ZC3H12B: variants seen among roughly 807,000 people sequenced by gnomAD.
The protein encoded by ZC3H12B is zinc finger CCCH-type containing 12B.
Under a neutral mutation model 43.9 loss-of-function variants are expected in ZC3H12B, and 7 were observed. That is an observed-to-expected ratio of 0.16 (90% CI 0.09 to 0.30). The LOEUF is 0.30. Ranked by LOEUF, ZC3H12B falls within the 10% of genes least tolerant of loss-of-function variation. The probability of loss-of-function intolerance (pLI) is 1.00; values close to 1 mark genes in which losing one functional copy is unlikely to be tolerated. For synonymous variants in ZC3H12B, 222 were observed against 241.7 expected, an observed-to-expected ratio of 0.92 and a Z score of 0.76; for missense variants, 475 against 670.2, an observed-to-expected ratio of 0.71 and a Z score of 3.22.
the ZC3H12B span, among the ~76,000 whole-genome samples, chrX:65,322,277 G>A: frequency 9.9e-5 from 11 of 111,636 alleles, no homozygotes; most frequent in Non-Finnish European, 1.9e-4. Context: ...TTCAAGAATG[G>A]CATTAATCTA....
chrX:65,101,259 A>T, the ZC3H12B span, among the ~76,000 whole-genome samples: 1 of 112,220 alleles, frequency 8.9e-6, no homozygotes, highest in Non-Finnish European at 1.9e-5. Flanking sequence ...TTTAGAGGGA[A>T]ATTTATAGCA....
chrX:65,199,506 C>T, the ZC3H12B span, among the ~76,000 whole-genome samples: 4 of 110,260 alleles, frequency 3.6e-5, no homozygotes, highest in African/African-American at 6.6e-5. Flanking sequence ...CATAGGTAGA[C>T]GTGTGCCATG....
chrX:65,334,788 G>T, the ZC3H12B span, among the ~76,000 whole-genome samples: 249 of 111,537 alleles, frequency 2.2e-3, 13 homozygotes, highest in South Asian at 0.091. Context: ...AAAATTAAGG[G>T]TCCCATTTTT....
At chrX:65,415,095 T>G (rs1431142507) in intron 3 of ZC3H12B, among the ~76,000 whole-genome samples, 1 of 112,416 alleles carries the variant, frequency 8.9e-6, no homozygotes, top group Non-Finnish European at 1.9e-5. Context: ...TAACTTGAAG[T>G]GGGAGCTTTC....
chrX:65,359,916 A>G, the ZC3H12B span, among the ~76,000 whole-genome samples: 1 of 111,998 alleles, frequency 8.9e-6, no homozygotes, highest in Non-Finnish European at 1.9e-5. Context: ...TGAATTTTGC[A>G]AACTTTATTG....
At chrX:65,219,809 T>TACAC in the ZC3H12B span, among the ~76,000 whole-genome samples, 7,280 of 76,540 alleles carry the variant, frequency 0.095, 267 homozygotes, top group African/African-American at 0.14. Flanking sequence ...TACACACACA[T>TACAC]ACACACACAC....
the ZC3H12B span, among the ~76,000 whole-genome samples, chrX:65,213,371 T>A: frequency 9.0e-6 from 1 of 111,338 alleles, no homozygotes; most frequent in Non-Finnish European, 1.9e-5. Context: ...AATTATCTTA[T>A]GTGTCCCAAT....
chrX:65,408,419 C>G (rs1368056660), intron 3 of ZC3H12B: 6 of 1,207,873 alleles, frequency 5.0e-6, no homozygotes, highest in African/African-American at 3.5e-5. Flanking sequence ...ACGTGCCAAA[C>G]AGGTGACCAT....
the ZC3H12B span, among the ~76,000 whole-genome samples, chrX:65,057,236 T>C: frequency 9.0e-6 from 1 of 111,180 alleles, no homozygotes; most frequent in Non-Finnish European, 1.9e-5. Flanking sequence ...TGTTCCTTTC[T>C]ATGTTTAGTG....
At chrX:65,488,016 C>T (rs1314698719), upstream of ZC3H12B, among the ~76,000 whole-genome samples, 1 of 111,389 alleles carries the variant, frequency 9.0e-6, no homozygotes, top group African/African-American at 3.3e-5. Flanking sequence ...GGACTATAGG[C>T]GTCCGTCACC....
the ZC3H12B span, among the ~76,000 whole-genome samples, chrX:65,317,841 C>A: frequency 1.0e-5 from 1 of 100,037 alleles, no homozygotes; most frequent in African/African-American, 3.7e-5. Context: ...TGTATATATA[C>A]ACGCACACAC....
chrX:65,450,303 C>CA (rs1201094322), intron 3 of ZC3H12B, among the ~76,000 whole-genome samples: 25 of 69,575 alleles, frequency 3.6e-4, no homozygotes, highest in African/African-American at 5.0e-4. Context: ...GACTTCATCT[C>CA]AAAAAAAAAA....
chrX:65,158,681 C>G, the ZC3H12B span, among the ~76,000 whole-genome samples: 1 of 111,387 alleles, frequency 9.0e-6, no homozygotes, highest in Non-Finnish European at 1.9e-5. Flanking sequence ...AGCCCTTTGT[C>G]AGATGAGTAG....
intron 3 of ZC3H12B, among the ~76,000 whole-genome samples, chrX:65,448,983 A>AAGAAAGAAAGAAAGAAAGAAAGAAAG (rs1402616904): frequency 0.032 from 3,011 of 95,195 alleles, 206 homozygotes; most frequent in African/African-American, 0.13. Flanking sequence ...AAGAAAGAGA[A>AAGAAAGAAAGAAAGAAAGAAAGAAAG]AGAAAGAAAG....
intron 3 of ZC3H12B, among the ~76,000 whole-genome samples, chrX:65,472,442 T>A (rs1214617154): frequency 4.6e-5 from 5 of 109,889 alleles, no homozygotes; most frequent in Non-Finnish European, 9.5e-5. Flanking sequence ...CGTAATCCCA[T>A]TTGTCTACTT....
At chrX:65,112,820 T>G in the ZC3H12B span, among the ~76,000 whole-genome samples, 1 of 112,050 alleles carries the variant, frequency 8.9e-6, no homozygotes, top group African/African-American at 3.2e-5. Context: ...GTTTTCATGC[T>G]TGATAACAGA....
chrX:65,389,649 C>T (rs1394450137), intron 2 of ZC3H12B, among the ~76,000 whole-genome samples: 2 of 112,695 alleles, frequency 1.8e-5, no homozygotes, highest in East Asian at 5.6e-4. Context: ...CCTGCACCCA[C>T]TTTCCAACAC....
At chrX:65,461,696 C>T (rs1351245237) in intron 3 of ZC3H12B, among the ~76,000 whole-genome samples, 2 of 110,795 alleles carry the variant, frequency 1.8e-5, no homozygotes, top group Admixed American at 1.9e-4. Context: ...ACACTAGGGC[C>T]TGTTGTGGGG....
the ZC3H12B span, among the ~76,000 whole-genome samples, chrX:65,279,136 A>C: frequency 9.0e-6 from 1 of 110,500 alleles, no homozygotes. Context: ...TTTTCTATTC[A>C]TCTGCATATA....
Sources: allele counts gnomAD v4.1 joint callset (sites outside exome capture counted in the v4.1 genomes callset), GRCh38; gene constraint gnomAD v4.1.1; transcripts MANE v1.5; gene names NCBI Gene and HGNC (gene_info 2026-07-23, HGNC 2026-07-21).